OTUD7B: variants seen among roughly 807,000 people sequenced by gnomAD.
The protein encoded by OTUD7B is OTU domain-containing protein 7B.
OTUD7B carries 34 observed loss-of-function variants against 82.2 expected under a neutral mutation model. That is an observed-to-expected ratio of 0.41 (90% CI 0.31 to 0.55). The LOEUF (loss-of-function observed/expected upper bound fraction) is 0.55. Ranked by LOEUF, OTUD7B falls within the 20% of genes least tolerant of loss-of-function variation. OTUD7B has a pLI of 0.20. For synonymous variants in OTUD7B, 398 were observed against 402.7 expected (o/e 0.99, Z 0.14); for missense variants, 944 against 1,062.1 (o/e 0.89, Z 1.55).
In OTUD7B at chr1:149,953,229, G is replaced by C. The variant is rs587649042; in HGVS notation, c.846-3008C>G. Among the ~76,000 whole-genome samples the C allele has an allele frequency of 6.6e-5, 10 of 152,274 alleles. 1 individual carries two copies. In the South Asian group the frequency reaches 2.1e-3, roughly 32 times the overall value. On this transcript the variant is annotated intron_variant, in intron 7 of 11. Transcript: ENST00000581312. Reference sequence around the variant, plus strand: ...CATCTTGAGTTAACTTTTTTATAAGGTGTAAGGAAGGGATCCAGTTTCAGC... The same window carrying C: ...CATCTTGAGTTAACTTTTTTATAAGCTGTAAGGAAGGGATCCAGTTTCAGC...
rs782393886 is a variant in OTUD7B at position 149,942,258 on chromosome 1, TC to T, written c.*1598del. ...ACTCTGGACACATAAGTACACTTAT[TC>T]CCCTTCTTCACATGCACCCGGGAGT... is the stretch of plus-strand genomic sequence containing the variant. On this transcript the variant is annotated 3_prime_UTR_variant, in exon 12 of 12. Transcript: ENST00000581312. 1.3e-5 allele frequency: 2 copies of T among 152,598 alleles called. No individual in the cohort carries two copies. Among genetic ancestry groups the T allele is most frequent in the Admixed American group, 6.5e-5 (1 of 15,272 alleles). The allele number at this position is 152,598 out of a possible 1,614,324, so 9.5% of individuals were successfully genotyped here.
chr1:150,056,395 C>T, the OTUD7B span, among the ~76,000 whole-genome samples: 588 of 152,174 alleles, frequency 3.9e-3, 2 homozygotes, highest in Non-Finnish European at 6.5e-3. Context: ...GAGGCAAGCA[C>T]ATGATAAATA....
intron 1 of OTUD7B, among the ~76,000 whole-genome samples, chr1:149,987,036 G>T (rs1446322180): frequency 6.6e-6 from 1 of 152,138 alleles, no homozygotes; most frequent in African/African-American, 2.4e-5. Context: ...AGTAAGAAGA[G>T]AAAGAAAGTA....
chr1:150,029,249 G>A, the OTUD7B span, among the ~76,000 whole-genome samples: 4 of 152,148 alleles, frequency 2.6e-5, no homozygotes, highest in African/African-American at 9.6e-5. Context: ...AAGTTTAATA[G>A]GAAAGTTTCA....
At chr1:150,020,132 A>G in the OTUD7B span, among the ~76,000 whole-genome samples, 18 of 152,176 alleles carry the variant, frequency 1.2e-4, no homozygotes, top group African/African-American at 4.3e-4. Context: ...TGTCTCAAAA[A>G]CAAAACAACA....
the OTUD7B span, among the ~76,000 whole-genome samples, chr1:150,059,957 C>A: frequency 1.3e-5 from 2 of 151,908 alleles, no homozygotes; most frequent in East Asian, 3.9e-4. Context: ...ACAAAAAAAA[C>A]CAGCAGTCTT....
the OTUD7B span, among the ~76,000 whole-genome samples, chr1:150,040,349 G>A: frequency 4.6e-5 from 7 of 152,246 alleles, no homozygotes; most frequent in South Asian, 2.1e-4. Flanking sequence ...ATATATGCCA[G>A]GCAGCTTTCT....
Position 149,944,352 on chromosome 1 carries a change from G to A in OTUD7B, c.2037C>T (p.Pro679=). 1 of 1,613,472 alleles carries A rather than the reference G, an allele frequency of 6.2e-7. No homozygotes were observed. The highest frequency in any genetic ancestry group is 1.1e-5 in the South Asian group (1 of 91,022). The change falls in exon 12 of 12, where the codon CCC becomes CCT. Residue 679 remains proline (P), a synonymous_variant. Transcript: ENST00000581312. ...ATGCCATTGCCCTGGACTCTGCTGG[G>A]GGACCGGTCGGCTGCTCTTCCCTAG... is the stretch of plus-strand genomic sequence containing the variant. ...PDAREEQPTG[P]PAESRAMAFS...
At chr1:150,034,977 A>G in the OTUD7B span, among the ~76,000 whole-genome samples, 2 of 151,822 alleles carry the variant, frequency 1.3e-5, no homozygotes, top group Admixed American at 1.3e-4. Flanking sequence ...ACCCCGTTTC[A>G]ACTAAAAATA....
intron 7 of OTUD7B, among the ~76,000 whole-genome samples, chr1:149,957,073 T>C (rs2101778354): frequency 6.6e-6 from 1 of 152,356 alleles, no homozygotes; most frequent in Non-Finnish European, 1.5e-5. Context: ...CTTTGTTCTG[T>C]TGCTGGTGAG....
chr1:149,966,723 A>G (rs1438008867), intron 4 of OTUD7B, among the ~76,000 whole-genome samples: 2 of 152,162 alleles, frequency 1.3e-5, no homozygotes, highest in African/African-American at 4.8e-5. Context: ...TTAAAAAAAA[A>G]TTACAAATAG....
At chr1:149,979,437 T>G (rs1650563421) in intron 1 of OTUD7B, among the ~76,000 whole-genome samples, 1 of 152,206 alleles carries the variant, frequency 6.6e-6, no homozygotes, top group African/African-American at 2.4e-5. Flanking sequence ...GGGTTTCAGT[T>G]GTCTCTTCTA....
At chr1:149,950,327 CCT>C in intron 7 of OTUD7B, 106 bp from the exon 8 acceptor site, 1 of 1,146,710 alleles carries the variant, frequency 8.7e-7, no homozygotes, top group Non-Finnish European at 1.2e-6. Flanking sequence ...AGAAGAATGT[CCT>C]TTCCTGGTTT....
the OTUD7B span, among the ~76,000 whole-genome samples, chr1:150,028,573 A>G: frequency 6.6e-6 from 1 of 152,204 alleles, no homozygotes; most frequent in Non-Finnish European, 1.5e-5. Flanking sequence ...AAACTGAAAC[A>G]CTATATTCAT....
At chr1:150,041,422 T>C in the OTUD7B span, among the ~76,000 whole-genome samples, 5 of 152,166 alleles carry the variant, frequency 3.3e-5, no homozygotes, top group African/African-American at 1.2e-4. Flanking sequence ...ATCCTCCGCC[T>C]CCCGCGTTCA....
the OTUD7B span, among the ~76,000 whole-genome samples, chr1:150,044,439 T>C: frequency 6.6e-6 from 1 of 151,888 alleles, no homozygotes; most frequent in Non-Finnish European, 1.5e-5. Context: ...AACTCCTGAC[T>C]TCAAGTGACC....
the OTUD7B span, chr1:150,055,032 C>A: frequency 2.3e-5 from 4 of 173,974 alleles, no homozygotes; most frequent in East Asian, 1.6e-4. Context: ...AATTGGTGTT[C>A]TAAATTTCCT....
At chr1:149,964,908 T>TTG (rs1440037902) in intron 5 of OTUD7B, among the ~76,000 whole-genome samples, 3 of 140,074 alleles carry the variant, frequency 2.1e-5, no homozygotes, top group Non-Finnish European at 3.1e-5. Context: ...TTTTTTTTTG[T>TTG]AGACAGAGTC....
chr1:149,947,732 T>C (rs1193007391), intron 10 of OTUD7B, among the ~76,000 whole-genome samples: 9 of 152,004 alleles, frequency 5.9e-5, no homozygotes, highest in African/African-American at 2.2e-4. Flanking sequence ...AAACTCTGGA[T>C]TTTAAAATCA....
Sources: allele counts gnomAD v4.1 joint callset (sites outside exome capture counted in the v4.1 genomes callset), GRCh38; gene constraint gnomAD v4.1.1; transcripts MANE v1.5; gene names NCBI Gene and HGNC (gene_info 2026-07-23, HGNC 2026-07-21).